Variants in COL26A1 observed in about 807,000 individuals in gnomAD.
COL26A1 encodes the protein collagen alpha-1(XXVI) chain.
In COL26A1, 41 loss-of-function variants were observed where a neutral mutation model predicts 59.3. That is an observed-to-expected ratio of 0.69 (90% CI 0.54 to 0.90). The LOEUF (loss-of-function observed/expected upper bound fraction) is 0.90. COL26A1 is among the 40% of genes least tolerant of loss of function. The pLI, the probability that COL26A1 is intolerant of heterozygous loss-of-function variation, is 0.00. For synonymous variants in COL26A1, 266 were observed against 256.0 expected, an observed-to-expected ratio of 1.04 and a Z score of -0.37; for missense variants, 612 against 602.3, an observed-to-expected ratio of 1.02 and a Z score of -0.17.
chr7:101,451,041 T>A (rs1234711516), intron 3 of COL26A1, among the ~76,000 whole-genome samples: 1 of 144,490 alleles, frequency 6.9e-6, no homozygotes, highest in Admixed American at 7.1e-5. Flanking sequence ...ATTGAATAAT[T>A]ATTAATAATA....
chr7:101,503,660 G>A (rs1311512647), intron 3 of COL26A1, among the ~76,000 whole-genome samples: 1 of 152,208 alleles, frequency 6.6e-6, no homozygotes, highest in African/African-American at 2.4e-5. Context: ...GGGATTACAG[G>A]CGTGAGCCAC....
intron 2 of COL26A1, among the ~76,000 whole-genome samples, chr7:101,447,243 G>A (rs1793219027): frequency 6.6e-6 from 1 of 152,198 alleles, no homozygotes; most frequent in Non-Finnish European, 1.5e-5. Context: ...TGCAGCCATA[G>A]GCTGCATGAC....
chr7:101,468,267 A>G (rs927119246), intron 3 of COL26A1, among the ~76,000 whole-genome samples: 1 of 151,356 alleles, frequency 6.6e-6, no homozygotes. Context: ...ACACCACTGC[A>G]CTCCAGCCTG....
At chr7:101,553,477 C>T in intron 11 of COL26A1, 101 bp downstream of exon 11, 2 of 1,196,976 alleles carry the variant, frequency 1.7e-6, no homozygotes, top group Non-Finnish European at 2.4e-6. Flanking sequence ...CGTCAGCCAG[C>T]CCCGAGCTGG....
intron 3 of COL26A1, among the ~76,000 whole-genome samples, chr7:101,473,240 T>C (rs1006753269): frequency 1.3e-5 from 2 of 151,956 alleles, no homozygotes; most frequent in African/African-American, 2.4e-5. Context: ...CCACCACGCC[T>C]GGCTAATTTT....
chr7:101,398,305 G>C (rs1791906525), intron 1 of COL26A1, among the ~76,000 whole-genome samples: 1 of 152,176 alleles, frequency 6.6e-6, no homozygotes, highest in Admixed American at 6.5e-5. Context: ...CTGGAGATTA[G>C]GGGTCACTTA....
At chr7:101,362,700 T>C (rs183349126), upstream of COL26A1, 41 of 357,436 alleles carry the variant, frequency 1.1e-4, no homozygotes, top group East Asian at 2.6e-3. Flanking sequence ...GAGGTCTGGC[T>C]TTCGGGGTGT....
rs1486681775 is a variant in COL26A1, at chr7:101,543,984, C to G, written c.605-14C>G. The G allele has an allele frequency of 1.3e-6, 2 of 1,538,218 alleles. No individual in the cohort carries two copies. The highest frequency in any genetic ancestry group is 2.7e-5 in the African/African-American group (2 of 72,922). Reference sequence around the variant, plus strand: ...TCCACCATGTTCTGATGCCCTGTCTCCTTCTCTCCCCAGGGCCCCCGGGGC... The same window carrying G: ...TCCACCATGTTCTGATGCCCTGTCTGCTTCTCTCCCCAGGGCCCCCGGGGC... On this transcript the variant is annotated splice_polypyrimidine_tract_variant and intron_variant, in intron 5 of 12. Transcript: ENST00000313669.
intron 3 of COL26A1, among the ~76,000 whole-genome samples, chr7:101,451,845 C>T (rs999097462): frequency 5.3e-5 from 8 of 151,716 alleles, no homozygotes; most frequent in East Asian, 1.9e-4. Context: ...GCAGGGATTA[C>T]GGGCATCCAC....
chr7:101,442,399 T>C (rs1429524503), intron 2 of COL26A1, among the ~76,000 whole-genome samples: 2 of 151,274 alleles, frequency 1.3e-5, no homozygotes, highest in Non-Finnish European at 2.9e-5. Context: ...CGATCTCGGC[T>C]CACTGCAACC....
At chr7:101,514,181 C>CA (rs929529131) in intron 3 of COL26A1, among the ~76,000 whole-genome samples, 5 of 151,404 alleles carry the variant, frequency 3.3e-5, no homozygotes, top group African/African-American at 1.2e-4. Flanking sequence ...ACTAAAAACA[C>CA]AAAAAAATTA....
chr7:101,553,324 A>G lies in COL26A1; in HGVS notation c.1030-2A>G. On this transcript the variant is annotated splice_acceptor_variant, in intron 10 of 12. Coordinates refer to ENST00000313669, the MANE Select transcript of COL26A1 (RefSeq NM_001278563.3). LOFTEE classifies it high-confidence loss of function. ...GTGTTGACTGTGTGACTTGCTTCTT[A>G]GGGTGAACCTGGCGTGAAGGGGGAA... 1 of 1,613,704 alleles carries G rather than the reference A, an allele frequency of 6.2e-7. No individual in the cohort carries two copies. The highest frequency in any genetic ancestry group is 8.5e-7 in the Non-Finnish European group (1 of 1,179,700).
At chr7:101,415,733 G>A (rs1167164586) in intron 1 of COL26A1, among the ~76,000 whole-genome samples, 4 of 152,006 alleles carry the variant, frequency 2.6e-5, no homozygotes, top group Non-Finnish European at 4.4e-5. Flanking sequence ...GATCTCAAGC[G>A]ATCCTCCTGC....
intron 1 of COL26A1, among the ~76,000 whole-genome samples, chr7:101,407,633 G>A (rs1792158151): frequency 1.3e-5 from 2 of 151,848 alleles, no homozygotes; most frequent in African/African-American, 4.8e-5. Flanking sequence ...TAGGAGATGG[G>A]ATTTGACTCT....
intron 5 of COL26A1, among the ~76,000 whole-genome samples, chr7:101,541,105 C>T (rs1316217026): frequency 6.6e-6 from 1 of 152,216 alleles, no homozygotes; most frequent in Non-Finnish European, 1.5e-5. Flanking sequence ...CAGTCCCCAC[C>T]ATTCCCTATT....
At chr7:101,370,514 G>T (rs1791166585) in intron 1 of COL26A1, among the ~76,000 whole-genome samples, 1 of 152,040 alleles carries the variant, frequency 6.6e-6, no homozygotes, top group Admixed American at 6.6e-5. Flanking sequence ...GGTATTACAG[G>T]CATGCACCAC....
At chr7:101,417,513 T>A (rs990159991) in intron 1 of COL26A1, among the ~76,000 whole-genome samples, 2 of 149,986 alleles carry the variant, frequency 1.3e-5, no homozygotes, top group Admixed American at 6.7e-5. Context: ...TTTTTTTTTT[T>A]AAATAGAGAC....
At chr7:101,504,158 T>C (rs10246355) in intron 3 of COL26A1, among the ~76,000 whole-genome samples, 26,378 of 151,972 alleles carry the variant, frequency 0.17, 4,907 homozygotes, top group African/African-American at 0.47. Context: ...TGGAGTGCAG[T>C]GGTGCAATCT....
intron 3 of COL26A1, among the ~76,000 whole-genome samples, chr7:101,469,612 C>T (rs915953337): frequency 6.6e-6 from 1 of 152,066 alleles, no homozygotes; most frequent in Non-Finnish European, 1.5e-5. Context: ...GCATCAGCCT[C>T]CTGAGTAGCT....
Sources: allele counts gnomAD v4.1 joint callset (sites outside exome capture counted in the v4.1 genomes callset), GRCh38; gene constraint gnomAD v4.1.1; transcripts MANE v1.5; gene names NCBI Gene and HGNC (gene_info 2026-07-23, HGNC 2026-07-21).